Variants in CDK13 observed in about 807,000 individuals in gnomAD.
CDK13 encodes cyclin dependent kinase 13.
CDK13 carries 40 observed loss-of-function variants against 137.6 expected under a neutral mutation model. The observed-to-expected ratio is 0.29, with a 90% confidence interval of 0.23 to 0.38. CDK13 has a LOEUF of 0.38. Among genes scored for constraint, CDK13 ranks in the 10% least tolerant of loss-of-function variants. The pLI, the probability that CDK13 is intolerant of heterozygous loss-of-function variation, is 1.00. For synonymous variants in CDK13, 869 were observed against 760.1 expected, an observed-to-expected ratio of 1.14 and a Z score of -2.36; for missense variants, 1,704 against 1,951.8, an observed-to-expected ratio of 0.87 and a Z score of 2.39.
At chr7:40,021,110 T>TACACACACACACACAC (rs1284247106) in intron 5 of CDK13, among the ~76,000 whole-genome samples, 8 of 81,946 alleles carry the variant, frequency 9.8e-5, no homozygotes, top group African/African-American at 5.1e-4. Context: ...AACGTATATA[T>TACACACACACACACAC]ATATATATAT....
chr7:39,988,285 ACTGTTC>A, intron 2 of CDK13, 27 bp downstream of exon 2: 3 of 1,540,854 alleles, frequency 1.9e-6, no homozygotes, highest in Admixed American at 2.1e-5. Flanking sequence ...TTTGTCAATA[ACTGTTC>A]AAAGAAAAAA....
intron 7 of CDK13, among the ~76,000 whole-genome samples, chr7:40,056,927 A>T (rs1211409887): frequency 6.6e-6 from 1 of 152,248 alleles, no homozygotes; most frequent in African/African-American, 2.4e-5. Context: ...GGCTTAAAGA[A>T]TGAGAAGTTT....
chr7:40,023,755 G>A (rs530362476), intron 5 of CDK13, among the ~76,000 whole-genome samples: 1 of 152,186 alleles, frequency 6.6e-6, no homozygotes, highest in African/African-American at 2.4e-5. Context: ...AAAGTGCTGA[G>A]ATTACAGGCG....
chr7:40,022,852 C>T (rs1210279107), intron 5 of CDK13, among the ~76,000 whole-genome samples: 3 of 146,206 alleles, frequency 2.1e-5, no homozygotes, highest in African/African-American at 5.0e-5. Flanking sequence ...TTTTTCTTTT[C>T]GTCTTCTTTT....
intron 1 of CDK13, among the ~76,000 whole-genome samples, chr7:39,982,028 ATTATAC>A (rs1784237147): frequency 7.7e-6 from 1 of 129,454 alleles, no homozygotes; most frequent in Non-Finnish European, 1.7e-5. Flanking sequence ...AATTATTATT[ATTATAC>A]TTTAAGTTTT....
chr7:39,980,746 T>G (rs1328938750), intron 1 of CDK13, among the ~76,000 whole-genome samples: 1 of 152,164 alleles, frequency 6.6e-6, no homozygotes, highest in East Asian at 1.9e-4. Context: ...ACAGTAAAAT[T>G]TTTAGGACAC....
At chr7:40,050,517 G>A (rs1472351167) in intron 7 of CDK13, among the ~76,000 whole-genome samples, 1 of 152,144 alleles carries the variant, frequency 6.6e-6, no homozygotes, top group Non-Finnish European at 1.5e-5. Flanking sequence ...TCAGCCTTCC[G>A]AGTAGCTGGG....
chr7:40,068,721 A>T (rs1191215502), intron 9 of CDK13, among the ~76,000 whole-genome samples: 11 of 150,724 alleles, frequency 7.3e-5, no homozygotes, highest in Admixed American at 6.0e-4. Flanking sequence ...AAAAAAAAAA[A>T]AAAAAAAAAA....
At chr7:39,990,913 A>T (rs1317400303) in intron 2 of CDK13, among the ~76,000 whole-genome samples, 1 of 152,268 alleles carries the variant, frequency 6.6e-6, no homozygotes, top group African/African-American at 2.4e-5. Flanking sequence ...ACTGCTTTAG[A>T]TTATTGAAAA....
intron 2 of CDK13, among the ~76,000 whole-genome samples, chr7:39,989,738 A>T (rs992106616): frequency 1.5e-4 from 22 of 151,674 alleles, no homozygotes; most frequent in Non-Finnish European, 3.1e-4. Context: ...GTAACCAGTT[A>T]CTGAGAATCC....
chr7:39,954,517 A>T (rs1408587807), intron 1 of CDK13, among the ~76,000 whole-genome samples: 1 of 152,190 alleles, frequency 6.6e-6, no homozygotes, highest in Non-Finnish European at 1.5e-5. Flanking sequence ...ATCTGGCACA[A>T]GTACACTCTT....
chr7:40,024,652 T>G (rs1039016548), intron 5 of CDK13, among the ~76,000 whole-genome samples: 3 of 86,618 alleles, frequency 3.5e-5, no homozygotes, highest in Non-Finnish European at 6.3e-5. Flanking sequence ...TGTGTTTTTT[T>G]TTTTTTTTTT....
rs549660302 is a variant in CDK13 at position 40,097,386 on chromosome 7, ATAT to A, written c.*2410_*2412del. 1.9e-4 allele frequency: 29 copies of A among 152,128 alleles called. No homozygotes were observed. The highest frequency in any genetic ancestry group is 3.3e-4 in the Admixed American group (5 of 15,260). 9.4% of individuals were successfully genotyped at this position (152,128 alleles called of 1,614,324 possible). A position where few individuals can be genotyped will look rare whatever the true frequency, so the allele number is the denominator to read the frequency against. On this transcript the variant is annotated 3_prime_UTR_variant, in exon 14 of 14. Coordinates refer to ENST00000181839, the MANE Select transcript of CDK13 (RefSeq NM_003718.5). ...TGTAAGCTGCATCCCAGATTCAGAC[ATAT>A]TATATGAAAATATGTCTTATAATTG...
chr7:40,046,454 G>A (rs1165964064), intron 6 of CDK13, among the ~76,000 whole-genome samples: 1 of 151,970 alleles, frequency 6.6e-6, no homozygotes, highest in Non-Finnish European at 1.5e-5. Flanking sequence ...GACCAGCCTG[G>A]CCAACGTTGA....
At chr7:39,972,813 T>C (rs988441888) in intron 1 of CDK13, among the ~76,000 whole-genome samples, 2 of 152,192 alleles carry the variant, frequency 1.3e-5, no homozygotes, top group African/African-American at 4.8e-5. Flanking sequence ...TGAGCATATA[T>C]CTAGGAGTAG....
intron 9 of CDK13, among the ~76,000 whole-genome samples, chr7:40,064,284 CAAAAA>C (rs1388646828): frequency 1.7e-5 from 1 of 59,766 alleles, no homozygotes; most frequent in Admixed American, 1.9e-4. Flanking sequence ...AATTATGTCT[CAAAAA>C]AAAAAAAAAA....
chr7:40,088,965 A>C (rs1295239349), intron 12 of CDK13, among the ~76,000 whole-genome samples: 1 of 152,140 alleles, frequency 6.6e-6, no homozygotes, highest in Admixed American at 6.6e-5. Flanking sequence ...CTGTAATCCC[A>C]GCTACTCGGA....
chr7:39,987,694 C>T lies in CDK13; in HGVS notation c.1307C>T (p.Ser436Phe), dbSNP rs1271047863. Reference sequence around the variant, plus strand: ...TTGTCTAGATCCAGAAGTCGTCATTCTAGTATTTCTCCTAGCACACTAACT... The same window carrying T: ...TTGTCTAGATCCAGAAGTCGTCATTTTAGTATTTCTCCTAGCACACTAACT... The part of the protein sequence containing the change: ...HRLSRSRSRH[S>F]SISPSTLTLK... Residue 436 changes from serine to phenylalanine, a missense_variant, in exon 2 of 14, where the codon TCT becomes TTT. Ser to Phe is a radical substitution (Grantham distance 155, BLOSUM62 -2). This residue lies in a region of CDK13 where 1,051 missense variants were observed against 931.0 expected (regional missense o/e 1.13). Transcript: ENST00000181839. The T allele has an allele frequency of 6.2e-7, 1 of 1,613,972 alleles. No homozygotes were observed. The highest frequency in any genetic ancestry group is 1.6e-4 in the Middle Eastern group (1 of 6,062).
Position 40,092,845 on chromosome 7 carries a change from T to C in CDK13, c.3296T>C (p.Leu1099Pro), listed in dbSNP as rs1309390027. The C allele has an allele frequency of 1.3e-5, 21 of 1,614,068 alleles. No individual in the cohort carries two copies. Among genetic ancestry groups the C allele is most frequent in the Non-Finnish European group, 1.6e-5 (19 of 1,180,036 alleles). The change falls in exon 13 of 14, where the codon CTA (leucine) becomes CCA (proline). Residue 1099 changes from leucine to proline, a missense_variant. By Grantham distance (98) the Leu-to-Pro change is moderately conservative. Around this residue, in one of 5 missense-constraint regions of CDK13, gnomAD observed 475 missense variants for 579.3 expected, o/e 0.82. Coordinates refer to ENST00000181839, the MANE Select transcript of CDK13 (RefSeq NM_003718.5). ...HSELAILLNL[L>P]QSKTSVNMAD... ...GAATTGGCAATTCTACTAAACCTAC[T>C]ACAATCTAAAACAAGTGTTAATATG...
Sources: gnomAD v4.1 joint callset for allele counts (sites outside exome capture counted in the v4.1 genomes callset) on GRCh38, gnomAD v4.1.1 for gene constraint, gnomAD v4.1.1 regional missense constraint, MANE v1.5 for transcripts, NCBI Gene and HGNC (gene_info 2026-07-23, HGNC 2026-07-21) for gene names.